Variants in FNBP1L observed in about 807,000 individuals in gnomAD.
The protein encoded by FNBP1L is formin binding protein 1 like.
Under a neutral mutation model 91.2 loss-of-function variants are expected in FNBP1L, and 36 were observed. That is an observed-to-expected ratio of 0.39 (90% CI 0.30 to 0.52). FNBP1L has a LOEUF of 0.52. FNBP1L is among the 20% of genes least tolerant of loss of function. FNBP1L has a pLI of 0.66. For synonymous variants in FNBP1L, 242 were observed against 237.0 expected (o/e 1.02, Z -0.19); for missense variants, 571 against 732.1 (o/e 0.78, Z 2.54).
intron 15 of FNBP1L, 82 bp from the exon 16 acceptor site, chr1:93,550,865 A>T (rs1470527378): frequency 7.8e-7 from 1 of 1,289,568 alleles, no homozygotes; most frequent in Admixed American, 2.9e-5. Flanking sequence ...GTAGGGTTTC[A>T]TTGTATTTTG....
At chr1:93,459,950 T>TGTGTGTGG (rs1553207619) in intron 1 of FNBP1L, among the ~76,000 whole-genome samples, 1 of 139,214 alleles carries the variant, frequency 7.2e-6, no homozygotes, top group Non-Finnish European at 1.5e-5. Context: ...GATGTGTGTG[T>TGTGTGTGG]GTGTGTGTGT....
chr1:93,458,911 A>G (rs192169375), intron 1 of FNBP1L, among the ~76,000 whole-genome samples: 1 of 152,354 alleles, frequency 6.6e-6, no homozygotes, highest in Admixed American at 6.5e-5. Context: ...AAGTATAGGA[A>G]AAACAGTATA....
At chr1:93,523,220 A>G (rs1302380092) in intron 3 of FNBP1L, 124 bp from the exon 4 acceptor site, 2 of 889,560 alleles carry the variant, frequency 2.2e-6, no homozygotes, top group Non-Finnish European at 3.2e-6. Flanking sequence ...TTAATTTAGA[A>G]CTAGTAGCTG....
At chr1:93,448,404 C>T (rs775395557) in intron 1 of FNBP1L, 99 bp downstream of exon 1, 21 of 1,307,136 alleles carry the variant, frequency 1.6e-5, no homozygotes, top group East Asian at 6.2e-5. Context: ...CGCGCTCCGC[C>T]GTCCTCGGTC....
chr1:93,464,144 T>C (rs1255380098), intron 1 of FNBP1L, among the ~76,000 whole-genome samples: 1 of 152,196 alleles, frequency 6.6e-6, no homozygotes, highest in Admixed American at 6.6e-5. Context: ...GAATGTAAAA[T>C]GCTACTGTGC....
At chr1:93,483,031 A>C (rs1178407534) in intron 1 of FNBP1L, among the ~76,000 whole-genome samples, 2 of 148,510 alleles carry the variant, frequency 1.3e-5, no homozygotes, top group Admixed American at 6.7e-5. Context: ...AAAACAAAAA[A>C]AACAAAAAAC....
intron 8 of FNBP1L, 120 bp downstream of exon 8, chr1:93,533,188 G>A: frequency 2.8e-6 from 2 of 717,556 alleles, no homozygotes; most frequent in Non-Finnish European, 4.2e-6. Flanking sequence ...ATTATATTCT[G>A]TAGAAGAATG....
intron 1 of FNBP1L, among the ~76,000 whole-genome samples, chr1:93,475,482 T>G (rs1358423098): frequency 6.6e-6 from 1 of 152,126 alleles, no homozygotes; most frequent in Non-Finnish European, 1.5e-5. Flanking sequence ...GAGGCTGCAG[T>G]GAGCTGTGGT....
chr1:93,525,227 A>C (rs142852219), intron 5 of FNBP1L, among the ~76,000 whole-genome samples: 157 of 152,222 alleles, frequency 1.0e-3, no homozygotes, highest in Middle Eastern at 6.8e-3. Flanking sequence ...TCCATGTTAA[A>C]TTAATCAGTT....
intron 1 of FNBP1L, among the ~76,000 whole-genome samples, chr1:93,462,310 G>A (rs1238244825): frequency 6.6e-6 from 1 of 151,898 alleles, no homozygotes; most frequent in African/African-American, 2.4e-5. Context: ...TTATTTTTTA[G>A]AACACTTTTA....
chr1:93,491,089 G>A (rs1670075567), intron 1 of FNBP1L, among the ~76,000 whole-genome samples: 1 of 151,866 alleles, frequency 6.6e-6, no homozygotes, highest in East Asian at 1.9e-4. Flanking sequence ...ACAGGCATGG[G>A]CCATGATGCC....
At chr1:93,501,502 G>A (rs1670438252) in intron 2 of FNBP1L, among the ~76,000 whole-genome samples, 2 of 152,068 alleles carry the variant, frequency 1.3e-5, no homozygotes, top group Admixed American at 1.3e-4. Flanking sequence ...CTCAAAAAGT[G>A]ATCCAGTCTT....
rs974915901 is a variant in FNBP1L, at chr1:93,547,417, A to C, written c.1478A>C (p.His493Pro). Residue 493 changes from histidine (H) to proline (P), a missense_variant, in exon 14 of 17, where the codon CAT (histidine) becomes CCT (proline). His to Pro is a moderately conservative substitution (Grantham distance 77, BLOSUM62 -2). Coordinates refer to ENST00000271234, the MANE Select transcript of FNBP1L (RefSeq NM_001164473.3). ...GDRRHSSDINHLVTQGRESPE... is the reference protein window; with the variant it reads ...GDRRHSSDINPLVTQGRESPE... ...AGAAGACATAGCAGTGACATAAATC[A>C]TCTTGTAACACAGGGACGAGAAAGG... 2.6e-6 allele frequency: 4 copies of C among 1,557,798 alleles called. No individual in the cohort carries two copies. The highest frequency in any genetic ancestry group is 3.5e-6 in the Non-Finnish European group (4 of 1,149,994).
intron 1 of FNBP1L, among the ~76,000 whole-genome samples, chr1:93,464,191 A>G (rs923413578): frequency 6.6e-6 from 1 of 152,184 alleles, no homozygotes; most frequent in Non-Finnish European, 1.5e-5. Context: ...CAAAACTTAA[A>G]CATATGATTC....
chr1:93,529,555 A>G lies in FNBP1L; in HGVS notation c.406-97A>G, dbSNP rs1019643661. ...TGCTGCACCCATCAACCCGTCATCT[A>G]TGTTAGTTATTTCTCCTAATGCTCT... is the stretch of plus-strand genomic sequence containing the variant. On this transcript the variant is annotated intron_variant, in intron 5 of 16. Coordinates refer to ENST00000271234, the MANE Select transcript of FNBP1L (RefSeq NM_001164473.3). 2.1e-5 allele frequency: 15 copies of G among 702,150 alleles called. No homozygotes were observed. In the Admixed American group the frequency reaches 2.3e-4, roughly 11 times the overall value. 43.5% of individuals were successfully genotyped at this position (702,150 alleles called of 1,614,324 possible).
chr1:93,479,537 TATCTC>T (rs1669617288), intron 1 of FNBP1L, among the ~76,000 whole-genome samples: 1 of 152,052 alleles, frequency 6.6e-6, no homozygotes, highest in Admixed American at 6.5e-5. Flanking sequence ...TTTCAGTCCT[TATCTC>T]AACCACTAAG....
chr1:93,547,515 T>C (rs1672281840), intron 14 of FNBP1L, 74 bp downstream of exon 14: 2 of 1,256,712 alleles, frequency 1.6e-6, no homozygotes, highest in Non-Finnish European at 2.2e-6. Flanking sequence ...CTTTATACAA[T>C]TCGTTTTTTT....
At chr1:93,542,276 C>T (rs1242286703) in intron 11 of FNBP1L, among the ~76,000 whole-genome samples, 1 of 151,676 alleles carries the variant, frequency 6.6e-6, no homozygotes, top group South Asian at 2.1e-4. Flanking sequence ...CAGAATGAGA[C>T]CCTATCTCTA....
At chr1:93,505,510 G>T (rs1289179279) in intron 2 of FNBP1L, among the ~76,000 whole-genome samples, 1 of 152,144 alleles carries the variant, frequency 6.6e-6, no homozygotes, top group East Asian at 1.9e-4. Context: ...GTTGAGAAAG[G>T]TAAAAACACT....
Sources: gnomAD v4.1 joint callset for allele counts (sites outside exome capture counted in the v4.1 genomes callset) on GRCh38, gnomAD v4.1.1 for gene constraint, MANE v1.5 for transcripts, NCBI Gene and HGNC (gene_info 2026-07-23, HGNC 2026-07-21) for gene names.